The following NR5A2 variants were observed in gnomAD, a reference collection of about 807,000 sequenced individuals.
NR5A2 encodes the protein CYP7A promoter-binding factor.
Under a neutral mutation model 62.7 loss-of-function variants are expected in NR5A2, and 26 were observed. The observed-to-expected ratio is 0.41, with a 90% confidence interval of 0.30 to 0.58. The LOEUF is 0.58. NR5A2 is among the 20% of genes least tolerant of loss of function. NR5A2 has a pLI of 0.22. For missense variants in NR5A2, 541 were observed against 669.1 expected (o/e 0.81, Z 2.11); for synonymous variants, 246 against 241.7 (o/e 1.02, Z -0.16).
chr1:200,111,882 C>T (rs542457754), intron 6 of NR5A2, among the ~76,000 whole-genome samples: 7 of 152,152 alleles, frequency 4.6e-5, no homozygotes, highest in South Asian at 2.1e-4. Flanking sequence ...GATGTTTGTT[C>T]GATCAACAAA....
At chr1:200,044,028 G>T in intron 3 of NR5A2, 136 bp downstream of exon 3, 1 of 576,762 alleles carries the variant, frequency 1.7e-6, no homozygotes, top group South Asian at 2.5e-5. Context: ...GAGAGTCTTA[G>T]GGAGATGATT....
At chr1:200,055,021 C>G (rs1249119241) in intron 5 of NR5A2, among the ~76,000 whole-genome samples, 2 of 151,812 alleles carry the variant, frequency 1.3e-5, no homozygotes, top group Non-Finnish European at 2.9e-5. Context: ...TTTAGCTTCC[C>G]AAATAGCTGG....
intron 5 of NR5A2, among the ~76,000 whole-genome samples, chr1:200,097,258 C>CT (rs1206365203): frequency 6.6e-6 from 1 of 151,996 alleles, no homozygotes; most frequent in Admixed American, 6.6e-5. Flanking sequence ...ATTATTTCTT[C>CT]TTTTTTTCTT....
At chr1:200,103,122 CTTT>C (rs10655211) in intron 5 of NR5A2, among the ~76,000 whole-genome samples, 4 of 106,642 alleles carry the variant, frequency 3.8e-5, no homozygotes, top group Non-Finnish European at 5.5e-5. Flanking sequence ...ATGTAAAACT[CTTT>C]TTTTTTTTTT....
intron 7 of NR5A2, among the ~76,000 whole-genome samples, chr1:200,155,593 A>G (rs1397145785): frequency 1.3e-5 from 2 of 152,238 alleles, no homozygotes; most frequent in African/African-American, 2.4e-5. Flanking sequence ...GTATTTCACT[A>G]TTTTGGAACT....
At chr1:200,028,425 CAAAAA>C (rs67706127) in intron 1 of NR5A2, among the ~76,000 whole-genome samples, 1 of 83,634 alleles carries the variant, frequency 1.2e-5, no homozygotes, top group Non-Finnish European at 2.7e-5. Context: ...CCCCCACCTC[CAAAAA>C]AAAAAAAAAA....
rs897638267 is a variant in NR5A2, at chr1:200,175,509, G to A, written c.*1299G>A. On this transcript the variant is annotated 3_prime_UTR_variant, in exon 8 of 8. Coordinates refer to ENST00000367362, the MANE Select transcript of NR5A2 (RefSeq NM_205860.3). ...ACTATTATCAGTATTATTAACATGC[G>A]ATGCCACAGGTATGAAAGTCTTGCC... The A allele has an allele frequency of 6.6e-6, 1 of 152,636 alleles. No individual in the cohort carries two copies. 9.5% of individuals were successfully genotyped at this position (152,636 alleles called of 1,614,324 possible).
intron 5 of NR5A2, among the ~76,000 whole-genome samples, chr1:200,085,718 G>A (rs937616976): frequency 6.6e-6 from 1 of 151,870 alleles, no homozygotes; most frequent in Non-Finnish European, 1.5e-5. Context: ...TAAAGAGGGG[G>A]ATACACATGT....
rs1654338983 is a variant in NR5A2, at chr1:200,174,636, T to C, written c.*426T>C. The C allele has an allele frequency of 6.5e-6, 1 of 153,204 alleles. No individual in the cohort carries two copies. The allele number at this position is 153,204 out of a possible 1,614,324, so 9.5% of individuals were successfully genotyped here. On this transcript the variant is annotated 3_prime_UTR_variant, in exon 8 of 8. Transcript: ENST00000367362. ...GATTTGAGCTTACAGGATTCCTCCATGGTAAAGCTGAACTGAAACAATTCT... is the reference window on the plus strand; with the variant it reads ...GATTTGAGCTTACAGGATTCCTCCACGGTAAAGCTGAACTGAAACAATTCT...
chr1:200,120,095 AAG>A (rs1666415894), intron 6 of NR5A2, among the ~76,000 whole-genome samples: 1 of 152,204 alleles, frequency 6.6e-6, no homozygotes, highest in African/African-American at 2.4e-5. Flanking sequence ...CAGAAAACTA[AAG>A]AATAATTTAT....
intron 5 of NR5A2, among the ~76,000 whole-genome samples, chr1:200,049,874 G>A (rs1266021700): frequency 6.6e-6 from 1 of 152,190 alleles, no homozygotes. Context: ...ATGGTCTGGG[G>A]AATGTGGAAG....
intron 5 of NR5A2, among the ~76,000 whole-genome samples, chr1:200,095,933 G>C (rs1047886441): frequency 1.3e-5 from 2 of 152,134 alleles, no homozygotes; most frequent in African/African-American, 4.8e-5. Context: ...AGTACTACTA[G>C]ATGGGCCTGA....
intron 5 of NR5A2, among the ~76,000 whole-genome samples, chr1:200,063,213 A>G (rs894242505): frequency 1.3e-5 from 2 of 151,902 alleles, no homozygotes; most frequent in African/African-American, 4.8e-5. Context: ...TTTAGTGGAG[A>G]CAGTGTTTCA....
intron 7 of NR5A2, among the ~76,000 whole-genome samples, chr1:200,127,450 G>T (rs1666754810): frequency 6.6e-6 from 1 of 151,822 alleles, no homozygotes; most frequent in Non-Finnish European, 1.5e-5. Context: ...GCCAAGGCGG[G>T]TGGATCACCT....
chr1:200,174,106 G>T lies in NR5A2; in HGVS notation c.1522G>T (p.Ala508Ser). 6.2e-7 allele frequency: 1 copy of T among 1,613,782 alleles called. No individual in the cohort carries two copies. Among genetic ancestry groups the T allele is most frequent in the Non-Finnish European group, 8.5e-7 (1 of 1,179,950 alleles). The change falls in exon 8 of 8, where the codon GCC (alanine) becomes TCC (serine). Residue 508 changes from alanine to serine, a missense_variant. By Grantham distance (99) the Ala-to-Ser change is moderately conservative (BLOSUM62 1). Coordinates refer to ENST00000367362, the MANE Select transcript of NR5A2 (RefSeq NM_205860.3). ...ACTTCTTCGACTACCCGAAATCCGG[G>T]CCATCAGTATGCAGGCTGAAGAATA... ...QLLLRLPEIR[A>S]ISMQAEEYLY...
At chr1:200,101,346 G>T (rs764363133) in intron 5 of NR5A2, among the ~76,000 whole-genome samples, 3 of 152,174 alleles carry the variant, frequency 2.0e-5, no homozygotes, top group African/African-American at 4.8e-5. Context: ...GAAGATAAAT[G>T]ATTCCTAGGT....
At chr1:200,172,107 G>A (rs1654209789) in intron 7 of NR5A2, among the ~76,000 whole-genome samples, 1 of 152,020 alleles carries the variant, frequency 6.6e-6, no homozygotes, top group Non-Finnish European at 1.5e-5. Flanking sequence ...TTTCACTGTA[G>A]CGTAAAATAA....
At position 200,039,978 on chromosome 1, in the gene NR5A2, G is replaced by A. The variant is rs746062908; in HGVS notation, c.202+183G>A. Among the ~76,000 whole-genome samples the A allele has an allele frequency of 6.6e-6, 1 of 152,284 alleles. No individual in the cohort carries two copies. ...AAGTTTATGGCTCTTGAACAATGCG[G>A]GGCAGAGGTTTTTCCAAGCAACGTC... On this transcript the variant is annotated intron_variant, in intron 2 of 7. Transcript: ENST00000367362. The surrounding 1 kb of genome is among the most constrained non-coding windows in gnomAD (Gnocchi z 5.1).
intron 7 of NR5A2, among the ~76,000 whole-genome samples, chr1:200,132,215 G>A (rs956606442): frequency 2.0e-5 from 3 of 152,084 alleles, no homozygotes; most frequent in African/African-American, 7.2e-5. Context: ...TCACCATGTT[G>A]GCCAGGCTGG....
Sources: allele counts gnomAD v4.1 joint callset (sites outside exome capture counted in the v4.1 genomes callset), GRCh38; gene constraint gnomAD v4.1.1; non-coding constraint Gnocchi (gnomAD v3.1); transcripts MANE v1.5; gene names NCBI Gene and HGNC (gene_info 2026-07-23, HGNC 2026-07-21).